EPB41L4A: variants seen among roughly 807,000 people sequenced by gnomAD.
The protein encoded by EPB41L4A is erythrocyte membrane protein band 4.1 like 4A.
Under a neutral mutation model 108.6 loss-of-function variants are expected in EPB41L4A, and 100 were observed. That is an observed-to-expected ratio of 0.92 (90% CI 0.78 to 1.09). The LOEUF is 1.09. Among genes scored for constraint, EPB41L4A ranks in the 50% least tolerant of loss-of-function variants. EPB41L4A has a pLI of 0.00. For synonymous variants in EPB41L4A, 319 were observed against 289.0 expected (o/e 1.10, Z -1.05); for missense variants, 1,030 against 842.7 (o/e 1.22, Z -2.75).
intron 2 of EPB41L4A, among the ~76,000 whole-genome samples, chr5:112,288,235 A>C (rs1168880528): frequency 6.6e-6 from 1 of 152,244 alleles, no homozygotes; most frequent in African/African-American, 2.4e-5. Context: ...TCTAAGGTAC[A>C]GAAGAGCTTA....
intron 1 of EPB41L4A, among the ~76,000 whole-genome samples, chr5:112,390,756 C>T (rs2112668401): frequency 6.6e-6 from 1 of 152,348 alleles, no homozygotes; most frequent in Middle Eastern, 3.4e-3. Flanking sequence ...AAGTGGATCC[C>T]TGACCCCCAT....
intron 1 of EPB41L4A, among the ~76,000 whole-genome samples, chr5:112,355,198 T>G (rs1758289307): frequency 6.6e-6 from 1 of 152,232 alleles, no homozygotes; most frequent in Non-Finnish European, 1.5e-5. Context: ...TGATAAAGTA[T>G]TCTCACTTAC....
Position 112,170,377 on chromosome 5 carries a change from G to A in EPB41L4A, c.1671-8C>T, listed in dbSNP as rs757468153. The A allele has an allele frequency of 3.9e-6, 6 of 1,551,992 alleles. No homozygotes were observed. The Admixed American group carries it at 6.8e-5, about 18-fold the overall frequency. ...GGATCCACAAGTTCTTTTCTGTAAAGGAATATGCAAGAAAATGATAGTTGT... is the reference window on the plus strand; with the variant it reads ...GGATCCACAAGTTCTTTTCTGTAAAAGAATATGCAAGAAAATGATAGTTGT... On this transcript the variant is annotated splice_region_variant and splice_polypyrimidine_tract_variant and intron_variant, in intron 19 of 22. Transcript: ENST00000261486.
chr5:112,375,940 G>GT (rs1276357860), intron 1 of EPB41L4A, among the ~76,000 whole-genome samples: 9 of 152,180 alleles, frequency 5.9e-5, no homozygotes, highest in African/African-American at 2.2e-4. Context: ...CCTCCAAGGG[G>GT]TTAGGGTATG....
intron 12 of EPB41L4A, among the ~76,000 whole-genome samples, chr5:112,230,513 G>C (rs1208616598): frequency 6.6e-6 from 1 of 152,068 alleles, no homozygotes. Context: ...ATGTTTGTTG[G>C]CCATTTGTAC....
intron 1 of EPB41L4A, among the ~76,000 whole-genome samples, chr5:112,349,289 A>C (rs1171955221): frequency 1.3e-5 from 2 of 152,192 alleles, no homozygotes; most frequent in African/African-American, 2.4e-5. Context: ...ACTTGAGCAA[A>C]GTCCCCTGGT....
chr5:112,174,579 C>T (rs556183137), intron 18 of EPB41L4A, among the ~76,000 whole-genome samples: 1 of 152,234 alleles, frequency 6.6e-6, no homozygotes, highest in East Asian at 1.9e-4. Flanking sequence ...TTCCCTTATT[C>T]CAAAACCCTG....
At chr5:112,357,163 T>G (rs1423900050) in intron 1 of EPB41L4A, among the ~76,000 whole-genome samples, 1 of 152,136 alleles carries the variant, frequency 6.6e-6, no homozygotes, top group African/African-American at 2.4e-5. Flanking sequence ...AGCACAAACC[T>G]CTGAGGTTCT....
intron 15 of EPB41L4A, among the ~76,000 whole-genome samples, chr5:112,198,379 T>C (rs1377469110): frequency 6.6e-6 from 1 of 152,210 alleles, no homozygotes; most frequent in Non-Finnish European, 1.5e-5. Flanking sequence ...GATATTTTTT[T>C]CTCTCCCATA....
intron 2 of EPB41L4A, among the ~76,000 whole-genome samples, chr5:112,297,788 A>C (rs1754094397): frequency 6.6e-6 from 1 of 152,138 alleles, no homozygotes; most frequent in Non-Finnish European, 1.5e-5. Flanking sequence ...TAGGACTTAA[A>C]TCTAAGTCCT....
chr5:112,292,954 A>G (rs1753743784), intron 2 of EPB41L4A, among the ~76,000 whole-genome samples: 1 of 152,222 alleles, frequency 6.6e-6, no homozygotes, highest in South Asian at 2.1e-4. Context: ...AAATGTTCAT[A>G]GTAAAGAAAT....
chr5:112,357,046 G>GA (rs1758402956), intron 1 of EPB41L4A, among the ~76,000 whole-genome samples: 1 of 152,158 alleles, frequency 6.6e-6, no homozygotes, highest in South Asian at 2.1e-4. Flanking sequence ...CCCAGAGCGA[G>GA]AGATGGTTCT....
At chr5:112,288,920 T>C (rs969630882) in intron 2 of EPB41L4A, among the ~76,000 whole-genome samples, 7 of 151,758 alleles carry the variant, frequency 4.6e-5, no homozygotes, top group African/African-American at 1.7e-4. Context: ...CTGGAGATGG[T>C]ATATCTTAAG....
chr5:112,406,054 C>G (rs1413074364), intron 1 of EPB41L4A, among the ~76,000 whole-genome samples: 1 of 152,156 alleles, frequency 6.6e-6, no homozygotes, highest in Non-Finnish European at 1.5e-5. Flanking sequence ...ACATATTTAT[C>G]TTCAAATAAC....
At chr5:112,231,920 C>G (rs1476250223) in intron 12 of EPB41L4A, among the ~76,000 whole-genome samples, 3 of 149,074 alleles carry the variant, frequency 2.0e-5, no homozygotes, top group African/African-American at 7.4e-5. Context: ...CCAGCCTAAA[C>G]ACAGCAAGAC....
At chr5:112,219,456 T>C (rs1422687636) in intron 12 of EPB41L4A, among the ~76,000 whole-genome samples, 1 of 152,162 alleles carries the variant, frequency 6.6e-6, no homozygotes, top group Non-Finnish European at 1.5e-5. Flanking sequence ...CTTTATAAAT[T>C]TCCCAGTCTC....
intron 1 of EPB41L4A, among the ~76,000 whole-genome samples, chr5:112,342,344 C>T (rs997868549): frequency 6.6e-6 from 1 of 152,174 alleles, no homozygotes; most frequent in Non-Finnish European, 1.5e-5. Context: ...TATCACTGGT[C>T]TTTCCTGATA....
chr5:112,395,446 G>C (rs1761265096), intron 1 of EPB41L4A, among the ~76,000 whole-genome samples: 1 of 152,230 alleles, frequency 6.6e-6, no homozygotes. Context: ...GATATGAACA[G>C]ACGCTTCTCA....
intron 12 of EPB41L4A, among the ~76,000 whole-genome samples, chr5:112,232,647 A>G (rs532956830): frequency 3.3e-5 from 5 of 152,312 alleles, no homozygotes; most frequent in Admixed American, 2.6e-4. Flanking sequence ...AAAGGATTAA[A>G]TGAAATGATA....
Sources: allele counts gnomAD v4.1 joint callset (sites outside exome capture counted in the v4.1 genomes callset), GRCh38; gene constraint gnomAD v4.1.1; transcripts MANE v1.5; gene names NCBI Gene and HGNC (gene_info 2026-07-23, HGNC 2026-07-21).